The following FN1 variants were observed in gnomAD, a reference collection of about 807,000 sequenced individuals.
The protein encoded by FN1 is fibronectin.
Under a neutral mutation model 297.3 loss-of-function variants are expected in FN1, and 106 were observed. The observed-to-expected ratio is 0.36, with a 90% CI of 0.30 to 0.42. The LOEUF (loss-of-function observed/expected upper bound fraction) is 0.42, where lower values mean the gene tolerates loss of function less well. Ranked by LOEUF, FN1 falls within the 10% of genes least tolerant of loss-of-function variation. FN1 has a pLI of 1.00. For missense variants in FN1, 2,690 were observed against 3,124.9 expected (o/e 0.86, Z 3.32); for synonymous variants, 1,149 against 1,152.6 (o/e 1.00, Z 0.06).
intron 33 of FN1, chr2:215,380,303 G>A (rs1049331755): frequency 6.0e-6 from 1 of 167,948 alleles, no homozygotes; most frequent in Admixed American, 5.6e-5. Flanking sequence ...AAGTATTATG[G>A]AAAGCAATTG....
At chr2:215,407,411 T>C in intron 17 of FN1, 90 bp from the exon 18 acceptor site, 1 of 1,088,532 alleles carries the variant, frequency 9.2e-7, no homozygotes, top group Non-Finnish European at 1.4e-6. Context: ...CTAATATCCC[T>C]TAGCATCTTG....
In FN1 at chr2:215,393,910, C is replaced by A. The variant is rs189876890; in HGVS notation, c.3796+618G>T. Among the ~76,000 whole-genome samples the A allele has an allele frequency of 3.9e-3, 590 of 152,166 alleles. 5 individuals carry two copies. Among genetic ancestry groups the A allele is most frequent in the Non-Finnish European group, 7.1e-3 (486 of 68,000 alleles). On this transcript the variant is annotated intron_variant, in intron 24 of 45. Transcript: ENST00000354785. ...TCCAATGCTTTCATTATGTTATAAC[C>A]CAATGGACAAACAAGCCTATCCTTA...
In FN1 at chr2:215,372,102, T is replaced by C. The variant is rs200721732; in HGVS notation, c.6521A>G (p.Glu2174Gly). The C allele has an allele frequency of 1.9e-6, 3 of 1,614,208 alleles. No individual in the cohort carries two copies. Among genetic ancestry groups the C allele is most frequent in the East Asian group, 4.5e-5 (2 of 44,886 alleles). Reference protein sequence around the residue: ...PRPYPPNVGEEIQIGHIPRED... With the variant: ...PRPYPPNVGEGIQIGHIPRED... ...CCTGGGGATGTGACCAATTTGGATT[T>C]CCTCACCTACATTCGGCGGGTATGG... is the stretch of plus-strand genomic sequence containing the variant. The change falls in exon 40 of 46, where the codon GAA becomes GGA. Residue 2174 changes from glutamate (E) to glycine (G), a missense_variant. Coordinates refer to ENST00000354785, the MANE Select transcript of FN1 (RefSeq NM_212482.4).
intron 28 of FN1, among the ~76,000 whole-genome samples, chr2:215,385,595 T>G (rs1050194338): frequency 1.3e-5 from 2 of 149,906 alleles, no homozygotes; most frequent in Admixed American, 1.3e-4. Flanking sequence ...AGTAATACAA[T>G]GAACACCTAT....
At position 215,407,242 on chromosome 2, in the gene FN1, G is replaced by T. The variant is rs1339948076; in HGVS notation, c.2598C>A (p.Thr866=). ...LNLPETANSV[T]LSDLQPGVQY... is the part of the protein sequence containing the mutation. ...GAACACCAGGTTGCAAGTCACTGAGGGTGACGGAGTTTGCAGTTTCAGGAA... is the reference window on the plus strand; with the variant it reads ...GAACACCAGGTTGCAAGTCACTGAGTGTGACGGAGTTTGCAGTTTCAGGAA... The change falls in exon 18 of 46, where the codon ACC becomes ACA. Residue 866 remains threonine, a synonymous_variant. Transcript: ENST00000354785. 6.2e-7 allele frequency: 1 copy of T among 1,613,884 alleles called. No individual in the cohort carries two copies. Among genetic ancestry groups the T allele is most frequent in the South Asian group, 1.1e-5 (1 of 91,066 alleles).
At chr2:215,412,760 C>CTTTTTTTTTTT (rs10524797) in intron 13 of FN1, among the ~76,000 whole-genome samples, 36 of 97,554 alleles carry the variant, frequency 3.7e-4, no homozygotes, top group Middle Eastern at 5.7e-3. Flanking sequence ...TATTAAGTAT[C>CTTTTTTTTTTT]TTTTTTTTTT....
intron 24 of FN1, 100 bp from the exon 25 acceptor site, chr2:215,393,303 A>G: frequency 8.8e-7 from 1 of 1,135,166 alleles, no homozygotes; most frequent in African/African-American, 1.6e-5. Context: ...CTAGTAGTAA[A>G]ATTGGTGGAA....
chr2:215,392,046 A>T (rs898323635), intron 25 of FN1: 18 of 519,992 alleles, frequency 3.5e-5, no homozygotes, highest in East Asian at 1.0e-4. Flanking sequence ...TGATATATTT[A>T]AAAAAAATTT....
intron 12 of FN1, among the ~76,000 whole-genome samples, chr2:215,417,868 T>C (rs1485231233): frequency 6.6e-6 from 1 of 152,176 alleles, no homozygotes; most frequent in African/African-American, 2.4e-5. Context: ...GACAGCCTTA[T>C]GTTGAGAGAG....
intron 21 of FN1, 28 bp from the exon 22 acceptor site, chr2:215,397,876 C>T (rs996965049): frequency 1.9e-6 from 3 of 1,608,162 alleles, no homozygotes; most frequent in Non-Finnish European, 2.6e-6. Context: ...AAGTAAACAC[C>T]AAGGACAAAT....
At chr2:215,391,918 G>C in intron 25 of FN1, 104 bp from the exon 26 acceptor site, 1 of 950,024 alleles carries the variant, frequency 1.1e-6, no homozygotes, top group Non-Finnish European at 1.7e-6. Context: ...AAAGGAAACA[G>C]AATCATAATC....
intron 20 of FN1, among the ~76,000 whole-genome samples, chr2:215,401,945 G>T (rs1044362604): frequency 5.9e-5 from 9 of 151,730 alleles, no homozygotes; most frequent in African/African-American, 2.2e-4. Context: ...TTTGGTGGGG[G>T]GTGGGGGGAC....
At chr2:215,432,526 G>A (rs148644957) in intron 3 of FN1, among the ~76,000 whole-genome samples, 4 of 152,218 alleles carry the variant, frequency 2.6e-5, no homozygotes, top group African/African-American at 9.6e-5. Context: ...TGCCTCTTGC[G>A]ATTTGCCTGT....
intron 3 of FN1, among the ~76,000 whole-genome samples, chr2:215,432,718 T>G (rs1575900744): frequency 6.6e-6 from 1 of 152,164 alleles, no homozygotes; most frequent in East Asian, 1.9e-4. Flanking sequence ...AAAGAGTGCC[T>G]TAGCTAAACT....
Position 215,384,932 on chromosome 2 carries a change from T to TG in FN1, c.4656dup (p.Thr1553HisfsTer28), listed in dbSNP as rs758198072. The TG allele has an allele frequency of 1.2e-6, 2 of 1,613,894 alleles. No individual in the cohort carries two copies. Among genetic ancestry groups the TG allele is most frequent in the African/African-American group, 1.3e-5 (1 of 74,982 alleles). ...GCATCCCAGCTGATCAGTAGGCTGGTGGGGGTCGCAGCAACAACTTCCAGG... is the reference window on the plus strand; with the variant it reads ...GCATCCCAGCTGATCAGTAGGCTGGTGGGGGGTCGCAGCAACAACTTCCAGG... On this transcript the variant is annotated frameshift_variant, in exon 29 of 46. Transcript: ENST00000354785. LOFTEE classifies it high-confidence loss of function.
Position 215,407,953 on chromosome 2 carries a change from G to A in FN1, c.2518+155C>T, listed in dbSNP as rs370341722. Among the ~76,000 whole-genome samples the A allele has an allele frequency of 1.4e-4, 2 of 14,664 alleles. 1 individual carries two copies. Among genetic ancestry groups the A allele is most frequent in the Non-Finnish European group, 3.2e-4 (2 of 6,232 alleles). 9.6% of individuals were successfully genotyped at this position (14,664 alleles called of 152,430 possible). On this transcript the variant is annotated intron_variant, in intron 17 of 45. Transcript: ENST00000354785. Reference sequence around the variant, plus strand: ...CATAGAAAATAACTCCCCCACCCCCGCCACACACACACACACACACACACA... The same window carrying A: ...CATAGAAAATAACTCCCCCACCCCCACCACACACACACACACACACACACA...
At chr2:215,394,811 A>G in intron 23 of FN1, 92 bp from the exon 24 acceptor site, 1 of 986,026 alleles carries the variant, frequency 1.0e-6, no homozygotes, top group South Asian at 1.3e-5. Flanking sequence ...CACAGGGCGG[A>G]ATGCAGGACT....
rs138144264 is a variant in FN1 at position 215,420,722 on chromosome 2, G to A, written c.1626C>T (p.Asn542=). The change falls in exon 11 of 46, where the codon AAC becomes AAT. Residue 542 remains asparagine (N), a synonymous_variant. Coordinates refer to ENST00000354785, the MANE Select transcript of FN1 (RefSeq NM_212482.4). ...HKRHEEGHML[N]CTCFGQGRGR... ...CCCGACCCTGACCGAAGCATGTACA[G>A]TTCAGCATGTGCCCCTCTTCATGAC... 1,459 of 1,614,138 alleles carry A rather than the reference G, an allele frequency of 9.0e-4. 3 individuals carry two copies. Among genetic ancestry groups the A allele is most frequent in the Middle Eastern group, 5.8e-3 (35 of 6,062 alleles).
intron 25 of FN1, 52 bp from the exon 26 acceptor site, chr2:215,391,866 C>T (rs2059745733): frequency 1.3e-6 from 2 of 1,520,088 alleles, no homozygotes; most frequent in Non-Finnish European, 1.8e-6. Flanking sequence ...AAAATTAAAG[C>T]TAACGAAGTA....
Sources: allele counts gnomAD v4.1 joint callset (sites outside exome capture counted in the v4.1 genomes callset), GRCh38; gene constraint gnomAD v4.1.1; transcripts MANE v1.5; gene names NCBI Gene and HGNC (gene_info 2026-07-23, HGNC 2026-07-21).